The following RP1 variants were observed in gnomAD, a reference collection of about 807,000 sequenced individuals.
The protein encoded by RP1 is RP1 axonemal microtubule associated, also known as oxygen-regulated protein 1.
RP1 carries 16 observed loss-of-function variants against 14.8 expected under a neutral mutation model. The observed-to-expected ratio is 1.08, with a 90% CI of 0.73 to 1.65. The LOEUF is 1.65. Among genes scored for constraint, RP1 ranks in the 40% most tolerant of loss-of-function variants. RP1 has a pLI of 0.00. For synonymous variants in RP1, 876 were observed against 883.6 expected, an observed-to-expected ratio of 0.99 and a Z score of 0.15; for missense variants, 2,631 against 2,535.0, an observed-to-expected ratio of 1.04 and a Z score of -0.81.
exon 26 of RP1, chr8:54,852,686 T>G: frequency 8.1e-7 from 1 of 1,232,058 alleles, no homozygotes. Flanking sequence ...AACGAAGACT[T>G]CATCAGTCCA....
chr8:54,629,329 G>A lies in RP1; in HGVS notation c.5447G>A (p.Cys1816Tyr). The change falls in exon 4 of 4, where the codon TGC becomes TAC. Residue 1816 changes from cysteine (C) to tyrosine (Y), a missense_variant. Coordinates refer to ENST00000220676, the MANE Select transcript of RP1 (RefSeq NM_006269.2). ...EELTQPLELKCNYFNMPHGSD... is the reference protein window; with the variant it reads ...EELTQPLELKYNYFNMPHGSD... Reference sequence around the variant, plus strand: ...CTGACTCAACCCCTTGAACTAAAATGCAATTACTTTAACATGCCTCATGGT... The same window carrying A: ...CTGACTCAACCCCTTGAACTAAAATACAATTACTTTAACATGCCTCATGGT... 3.1e-6 allele frequency: 5 copies of A among 1,613,976 alleles called. No homozygotes were observed. The highest frequency in any genetic ancestry group is 4.2e-6 in the Non-Finnish European group (5 of 1,179,930).
chr8:54,668,683 G>C (rs945704531), intron 7 of RP1, among the ~76,000 whole-genome samples: 1 of 152,106 alleles, frequency 6.6e-6, no homozygotes, highest in Non-Finnish European at 1.5e-5. Context: ...CAGAGATATA[G>C]ACCAATGGAA....
chr8:54,567,193 A>G (rs917027707), intron 1 of RP1, among the ~76,000 whole-genome samples: 4 of 152,192 alleles, frequency 2.6e-5, no homozygotes, highest in African/African-American at 9.7e-5. Flanking sequence ...ATAGGCAACT[A>G]TTTTGTCTCT....
intron 3 of RP1, among the ~76,000 whole-genome samples, chr8:54,641,167 G>C (rs1806447437): frequency 6.6e-6 from 1 of 151,778 alleles, no homozygotes; most frequent in Non-Finnish European, 1.5e-5. Flanking sequence ...GGATGGTCTC[G>C]ATCTCCTGAC....
intron 1 of RP1, among the ~76,000 whole-genome samples, chr8:54,570,204 T>C (rs760046011): frequency 1.4e-4 from 21 of 152,186 alleles, no homozygotes; most frequent in East Asian, 1.9e-4. Flanking sequence ...CCTGTGCTCC[T>C]GGAATGTCAT....
intron 1 of RP1, among the ~76,000 whole-genome samples, chr8:54,602,459 C>G (rs908617816): frequency 6.6e-6 from 1 of 152,134 alleles, no homozygotes; most frequent in Non-Finnish European, 1.5e-5. Flanking sequence ...GGGTTGGTTC[C>G]AGGTCTTTGC....
chr8:54,682,486 A>C (rs530639591), intron 12 of RP1, among the ~76,000 whole-genome samples: 1 of 152,210 alleles, frequency 6.6e-6, no homozygotes, highest in South Asian at 2.1e-4. Context: ...CAGGAATATA[A>C]ATCATTCTAT....
At position 54,765,060 on chromosome 8, in the gene RP1, C is replaced by T. The variant is rs548641202; in HGVS notation, c.3249-4681C>T. 2.7e-4 allele frequency among the ~76,000 whole-genome samples: 41 copies of T among 152,322 alleles called. 1 individual carries two copies. In the South Asian group the frequency reaches 6.4e-3, roughly 24 times the overall value. ...TCCGCCTTGACGGCCTGGCAGAGAG[C>T]GGCGTTTCTGCTGCTCTATCACTGC... On this transcript the variant is annotated intron_variant, in intron 22 of 22. Coordinates refer to the RP1 transcript ENST00000636932.
intron 1 of RP1, among the ~76,000 whole-genome samples, chr8:54,618,619 A>G (rs1466249518): frequency 6.6e-6 from 1 of 152,166 alleles, no homozygotes; most frequent in African/African-American, 2.4e-5. Context: ...AACCTAAAAT[A>G]TAATTGGAGA....
At chr8:54,615,034 C>G (rs1585552758), upstream of RP1, among the ~76,000 whole-genome samples, 1 of 152,142 alleles carries the variant, frequency 6.6e-6, no homozygotes, top group East Asian at 1.9e-4. Context: ...ACAATTCATG[C>G]CTATTGCTAC....
At position 54,625,816 on chromosome 8, in the gene RP1, T is replaced by C. The variant is rs1024924173; in HGVS notation, c.1934T>C (p.Leu645Pro). ...ACTGTCACTGCAAGAATTGACAGAC[T>C]AATTAATGAATTTGCTCAGTGTGGT... The part of the protein sequence containing the change: ...SSTVTARIDR[L>P]INEFAQCGLT... Residue 645 changes from leucine to proline, a missense_variant, in exon 4 of 4, where the codon CTA becomes CCA. Coordinates refer to ENST00000220676, the MANE Select transcript of RP1 (RefSeq NM_006269.2). 1.9e-6 allele frequency: 3 copies of C among 1,613,454 alleles called. No individual in the cohort carries two copies. Among genetic ancestry groups the C allele is most frequent in the Non-Finnish European group, 2.5e-6 (3 of 1,179,972 alleles).
At chr8:54,769,805 G>A in exon 23 of RP1, 2 of 1,530,060 alleles carry the variant, frequency 1.3e-6, no homozygotes, top group Non-Finnish European at 1.8e-6. Flanking sequence ...TCAAGGTGAG[G>A]ATTACTGAAA....
At chr8:54,725,859 C>T (rs927525563) in intron 16 of RP1, among the ~76,000 whole-genome samples, 2 of 152,276 alleles carry the variant, frequency 1.3e-5, no homozygotes, top group Non-Finnish European at 2.9e-5. Context: ...CTAAACAAGA[C>T]TCCAAAACAA....
At chr8:54,790,101 A>T (rs914743541) in intron 24 of RP1, among the ~76,000 whole-genome samples, 2 of 152,132 alleles carry the variant, frequency 1.3e-5, no homozygotes, top group African/African-American at 2.4e-5. Context: ...GCCCAACCAG[A>T]GGCAATTGTG....
In RP1 at chr8:54,626,739, T is replaced by C; in HGVS notation, c.2857T>C (p.Ser953Pro). ...GGTAAATTGTAGCAATAATAGTTTT[T>C]CAGGGAATGATCCCCATACAAATTC... ...SVVNCSNNSF[S>P]GNDPHTNSGK... Residue 953 changes from serine (S) to proline (P), a missense_variant, in exon 4 of 4, where the codon TCA (serine) becomes CCA (proline). Ser to Pro is a moderately conservative substitution (Grantham distance 74, BLOSUM62 -1). Transcript: ENST00000220676. The C allele has an allele frequency of 6.2e-7, 1 of 1,613,982 alleles. No individual in the cohort carries two copies. The highest frequency in any genetic ancestry group is 8.5e-7 in the Non-Finnish European group (1 of 1,179,960).
chr8:54,697,751 A>G (rs746777189), intron 12 of RP1, among the ~76,000 whole-genome samples: 1 of 152,034 alleles, frequency 6.6e-6, no homozygotes, highest in Non-Finnish European at 1.5e-5. Context: ...TCTACAACCA[A>G]CTGATCTTTG....
intron 24 of RP1, among the ~76,000 whole-genome samples, chr8:54,812,496 A>G (rs951942067): frequency 6.6e-6 from 1 of 152,222 alleles, no homozygotes; most frequent in African/African-American, 2.4e-5. Flanking sequence ...TTTGGTTCCT[A>G]TGATATGGTA....
chr8:54,706,279 C>T (rs1808147933), intron 14 of RP1, among the ~76,000 whole-genome samples: 3 of 152,142 alleles, frequency 2.0e-5, no homozygotes, highest in Admixed American at 1.3e-4. Context: ...CTTTTGTTTA[C>T]TTTTGCATAG....
At chr8:54,721,882 T>C (rs1360451330) in intron 16 of RP1, among the ~76,000 whole-genome samples, 1 of 152,170 alleles carries the variant, frequency 6.6e-6, no homozygotes, top group Non-Finnish European at 1.5e-5. Flanking sequence ...GAGCATTCCA[T>C]TGGGATTTCT....
Sources: allele counts gnomAD v4.1 joint callset (sites outside exome capture counted in the v4.1 genomes callset), GRCh38; gene constraint gnomAD v4.1.1; transcripts MANE v1.5; gene names NCBI Gene and HGNC (gene_info 2026-07-23, HGNC 2026-07-21).